The following DNAH7 variants were observed in gnomAD, a reference collection of about 807,000 sequenced individuals.
DNAH7 encodes the protein axonemal beta dynein heavy chain 7.
In DNAH7, 397 loss-of-function variants were observed where a neutral mutation model predicts 444.6. The observed-to-expected ratio is 0.89, with a 90% confidence interval of 0.82 to 0.97. DNAH7 has a LOEUF of 0.97. DNAH7 is among the 50% of genes least tolerant of loss of function. DNAH7 has a pLI of 0.00. For missense variants in DNAH7, 4,902 were observed against 4,800.8 expected (o/e 1.02, Z -0.62); for synonymous variants, 1,636 against 1,624.4 (o/e 1.01, Z -0.17).
At chr2:196,068,366 C>G in intron 1 of DNAH7, 1 of 387,980 alleles carries the variant, frequency 2.6e-6, no homozygotes, top group South Asian at 6.9e-5. Flanking sequence ...GAACCCAAAC[C>G]CGCTGCAACT....
intron 18 of DNAH7, among the ~76,000 whole-genome samples, 197 bp downstream of exon 18, chr2:195,960,063 A>T (rs1690975562): frequency 1.3e-5 from 2 of 152,238 alleles, no homozygotes; most frequent in Admixed American, 1.3e-4. Context: ...GCCATTGATT[A>T]TAATATCTTT....
chr2:195,951,491 T>C (rs1690255038), intron 19 of DNAH7, among the ~76,000 whole-genome samples: 1 of 152,150 alleles, frequency 6.6e-6, no homozygotes, highest in Non-Finnish European at 1.5e-5. Flanking sequence ...GTCCTGAATA[T>C]CCTTGTTAAT....
chr2:195,798,596 T>C (rs1323833359), intron 55 of DNAH7, among the ~76,000 whole-genome samples: 1 of 139,032 alleles, frequency 7.2e-6, no homozygotes, highest in Non-Finnish European at 1.5e-5. Flanking sequence ...CAGGCTGGAG[T>C]GCTATGGCGT....
At chr2:195,807,659 A>C (rs956608403) in intron 53 of DNAH7, among the ~76,000 whole-genome samples, 1 of 152,192 alleles carries the variant, frequency 6.6e-6, no homozygotes, top group Non-Finnish European at 1.5e-5. Flanking sequence ...AAAAAATCAC[A>C]AGAAGAGAGC....
At chr2:195,758,308 A>G (rs1323607822) in intron 61 of DNAH7, among the ~76,000 whole-genome samples, 1 of 152,238 alleles carries the variant, frequency 6.6e-6, no homozygotes, top group Non-Finnish European at 1.5e-5. Flanking sequence ...TCTAACATGT[A>G]AAGTTTTTCA....
chr2:195,816,497 G>A (rs1697224394), intron 51 of DNAH7, 131 bp downstream of exon 51: 1 of 673,016 alleles, frequency 1.5e-6, no homozygotes, highest in Admixed American at 3.0e-5. Flanking sequence ...CTGATACGAT[G>A]ATTAATCAAG....
chr2:195,760,982 A>T (rs541556120), intron 61 of DNAH7, among the ~76,000 whole-genome samples: 1 of 152,312 alleles, frequency 6.6e-6, no homozygotes, highest in Admixed American at 6.5e-5. Context: ...ACATGACCTT[A>T]CCAAATAAAC....
chr2:195,941,519 C>T (rs529729988), intron 19 of DNAH7, among the ~76,000 whole-genome samples: 7 of 147,066 alleles, frequency 4.8e-5, no homozygotes, highest in African/African-American at 1.0e-4. Flanking sequence ...CATATGTATA[C>T]GAAGGTAACA....
At chr2:195,849,972 C>A (rs1030758278) in intron 46 of DNAH7, among the ~76,000 whole-genome samples, 8 of 152,286 alleles carry the variant, frequency 5.3e-5, no homozygotes, top group Non-Finnish European at 1.0e-4. Flanking sequence ...GAGAGGTCTG[C>A]AAGCTTTCTT....
chr2:195,839,843 T>C (rs1476032730), intron 47 of DNAH7, among the ~76,000 whole-genome samples: 1 of 151,818 alleles, frequency 6.6e-6, no homozygotes, highest in African/African-American at 2.4e-5. Context: ...ATAGACCTGT[T>C]ACTATTTCAA....
intron 62 of DNAH7, 98 bp from the exon 63 acceptor site, chr2:195,754,612 G>C: frequency 8.0e-7 from 1 of 1,253,310 alleles, no homozygotes; most frequent in Non-Finnish European, 1.1e-6. Flanking sequence ...CAGGGCTCAG[G>C]TGATCCTCTC....
At chr2:196,065,031 A>T (rs939836542) in intron 1 of DNAH7, among the ~76,000 whole-genome samples, 5 of 152,232 alleles carry the variant, frequency 3.3e-5, no homozygotes, top group African/African-American at 1.2e-4. Context: ...TATTATCCAT[A>T]AAAAAATTTG....
intron 1 of DNAH7, among the ~76,000 whole-genome samples, chr2:196,059,523 G>T (rs958711066): frequency 4.6e-5 from 7 of 152,186 alleles, no homozygotes; most frequent in Non-Finnish European, 7.3e-5. Context: ...GTGCCAAGAA[G>T]CACTGTAAGA....
At chr2:195,994,073 AGTT>A (rs2125661250) in intron 12 of DNAH7, among the ~76,000 whole-genome samples, 1 of 152,282 alleles carries the variant, frequency 6.6e-6, no homozygotes, top group Non-Finnish European at 1.5e-5. Context: ...CATTTAGACA[AGTT>A]GTTTATTTTT....
intron 7 of DNAH7, 28 bp from the exon 8 acceptor site, chr2:196,024,532 A>C: frequency 7.2e-7 from 1 of 1,384,814 alleles, no homozygotes; most frequent in South Asian, 1.4e-5. Context: ...AATTCTGATA[A>C]ATAACCTTAT....
chr2:195,739,440 T>C (rs1692856040), intron 64 of DNAH7, among the ~76,000 whole-genome samples: 3 of 152,196 alleles, frequency 2.0e-5, no homozygotes, highest in Admixed American at 6.5e-5. Flanking sequence ...GCATCCCAGA[T>C]CTACCCTTCA....
intron 24 of DNAH7, among the ~76,000 whole-genome samples, chr2:195,916,246 T>G (rs1240017059): frequency 6.6e-6 from 1 of 152,200 alleles, no homozygotes; most frequent in Non-Finnish European, 1.5e-5. Context: ...TTTTTAGATA[T>G]GATGCCAAAA....
Position 195,787,009 on chromosome 2 carries a change from C to A in DNAH7, c.10878+1G>T, listed in dbSNP as rs1695653045. 6.3e-7 allele frequency: 1 copy of A among 1,576,552 alleles called. No homozygotes were observed. Among genetic ancestry groups the A allele is most frequent in the Non-Finnish European group, 8.6e-7 (1 of 1,166,174 alleles). On this transcript the variant is annotated splice_donor_variant, in intron 58 of 64. Coordinates refer to ENST00000312428, the MANE Select transcript of DNAH7 (RefSeq NM_018897.3). LOFTEE classifies it high-confidence loss of function. ...TGTCCTTGCTGTGATTTTTATGATACCTCATACTGGTTCAGGAACATGTGG... is the reference window on the plus strand; with the variant it reads ...TGTCCTTGCTGTGATTTTTATGATAACTCATACTGGTTCAGGAACATGTGG...
At chr2:195,770,575 C>A (rs1292746402) in intron 61 of DNAH7, among the ~76,000 whole-genome samples, 1 of 152,002 alleles carries the variant, frequency 6.6e-6, no homozygotes, top group African/African-American at 2.4e-5. Flanking sequence ...CATGGATTGC[C>A]CCTCAACGTA....
Sources: allele counts gnomAD v4.1 joint callset (sites outside exome capture counted in the v4.1 genomes callset), GRCh38; gene constraint gnomAD v4.1.1; transcripts MANE v1.5; gene names NCBI Gene and HGNC (gene_info 2026-07-23, HGNC 2026-07-21).